The following USF1 variants were observed in gnomAD, a reference collection of about 807,000 sequenced individuals.
USF1 encodes the protein upstream stimulatory factor 1.
Under a neutral mutation model 46.3 loss-of-function variants are expected in USF1, and 22 were observed. The observed-to-expected ratio is 0.47, with a 90% CI of 0.34 to 0.68. The LOEUF (loss-of-function observed/expected upper bound fraction) is 0.68, where lower values mean the gene tolerates loss of function less well. Ranked by LOEUF, USF1 falls within the 30% of genes least tolerant of loss-of-function variation. The pLI, the probability that USF1 is intolerant of heterozygous loss-of-function variation, is 0.01. For missense variants in USF1, 287 were observed against 399.3 expected (o/e 0.72, Z 2.40); for synonymous variants, 150 against 147.0 (o/e 1.02, Z -0.15).
chr1:161,041,517 G>A, intron 6 of USF1, 106 bp from the exon 7 acceptor site: 7 of 1,479,168 alleles, frequency 4.7e-6, no homozygotes, highest in Non-Finnish European at 6.5e-6. Context: ...GCTAATAGAA[G>A]AGCAGCCCCA....
Position 161,042,873 on chromosome 1 carries a change from T to C in USF1, c.18A>G (p.Lys6=), listed in dbSNP as rs889870264. Reference sequence around the variant, plus strand: ...CTGTCCCCTCTTCCGTTTCAGCTGTTTTCTGCTGCCTGTTTGTGGTGAAAG... The same window carrying C: ...CTGTCCCCTCTTCCGTTTCAGCTGTCTTCTGCTGCCTGTTTGTGGTGAAAG... The part of the protein sequence containing the change: MKGQQ[K]TAETEEGTVQ... The change falls in exon 3 of 11, where the codon AAA becomes AAG. Residue 6 remains lysine (K), a synonymous_variant. Transcript: ENST00000368021. 6.2e-7 allele frequency: 1 copy of C among 1,614,192 alleles called. No homozygotes were observed. Among genetic ancestry groups the C allele is most frequent in the Non-Finnish European group, 8.5e-7 (1 of 1,180,036 alleles).
Position 161,043,253 on chromosome 1 carries a change from C to G in USF1, c.8+15G>C. On this transcript the variant is annotated intron_variant, in intron 2 of 10. Coordinates refer to ENST00000368021, the MANE Select transcript of USF1 (RefSeq NM_007122.5). ...ACCCATCTTTCATCCCAGACCCTAC[C>G]TCTTCTTCACTCACCCCTTCATCTC... 1.2e-6 allele frequency: 2 copies of G among 1,614,168 alleles called. No individual in the cohort carries two copies. The highest frequency in any genetic ancestry group is 1.1e-5 in the South Asian group (1 of 91,080).
In USF1 at chr1:161,039,834, G is replaced by A. The variant is rs1650447274; in HGVS notation, c.*86C>T. On this transcript the variant is annotated 3_prime_UTR_variant, in exon 11 of 11. Transcript: ENST00000368021. The stretch of plus-strand genomic sequence containing the variant: ...TCCCCCTGTCCCATGCCAGAAGTGG[G>A]GCAGTGAAGGAAAGGGGCACGGGAT... The A allele has an allele frequency of 1.4e-6, 2 of 1,380,154 alleles. No homozygotes were observed. Among genetic ancestry groups the A allele is most frequent in the South Asian group, 2.4e-5 (2 of 83,412 alleles). 85.5% of individuals were successfully genotyped at this position (1,380,154 alleles called of 1,614,324 possible).
chr1:161,041,034 G>A (rs1187352754), intron 7 of USF1, among the ~76,000 whole-genome samples, 162 bp from the exon 8 acceptor site: 1 of 152,096 alleles, frequency 6.6e-6, no homozygotes. Flanking sequence ...GGCCGAGGCA[G>A]GCGGATCACT....
chr1:161,041,946 G>GGA lies in USF1; in HGVS notation c.277-102_277-101dup, dbSNP rs144100508. 2,706 of 1,215,780 alleles carry GGA rather than the reference G, an allele frequency of 2.2e-3. 1 individual carries two copies. The highest frequency in any genetic ancestry group is 5.1e-3 in the Middle Eastern group (24 of 4,736). The allele number at this position is 1,215,780 out of a possible 1,614,324, so 75.3% of individuals were successfully genotyped here. On this transcript the variant is annotated intron_variant, in intron 5 of 10. Transcript: ENST00000368021. Reference sequence around the variant, plus strand: ...TATCCGTTGGGGTGGTAGGTAGGGTGGAGAGAGAGAGAGAGAGAGAGAGAA... The same window carrying GGA: ...TATCCGTTGGGGTGGTAGGTAGGGTGGAGAGAGAGAGAGAGAGAGAGAGAGAA...
At chr1:161,043,207 C>A in intron 2 of USF1, 61 bp downstream of exon 2, 1 of 1,613,900 alleles carries the variant, frequency 6.2e-7, no homozygotes, top group South Asian at 1.1e-5. Flanking sequence ...TGCTCTTGGT[C>A]ATTTTGCATT....
Position 161,040,333 on chromosome 1 carries a change from G to A in USF1, c.715-3C>T, listed in dbSNP as rs777278549. ...TTGGATAGAATCCCACCTTTACTCT[G>A]CAAGATAAGGTCAACAAAATGAGAA... On this transcript the variant is annotated splice_region_variant and splice_polypyrimidine_tract_variant and intron_variant, in intron 9 of 10. Coordinates refer to ENST00000368021, the MANE Select transcript of USF1 (RefSeq NM_007122.5). The surrounding 1 kb of genome is among the most constrained non-coding windows in gnomAD (Gnocchi z 4.0). The A allele has an allele frequency of 1.2e-6, 2 of 1,613,660 alleles. No homozygotes were observed. Among genetic ancestry groups the A allele is most frequent in the Non-Finnish European group, 1.7e-6 (2 of 1,179,852 alleles).
At chr1:161,045,604 A>C (rs1196834294) in intron 1 of USF1, among the ~76,000 whole-genome samples, 1 of 152,172 alleles carries the variant, frequency 6.6e-6, no homozygotes, top group Non-Finnish European at 1.5e-5. Flanking sequence ...TAGGGAGCTC[A>C]AGCGCCCGGT....
Position 161,040,764 on chromosome 1 carries a change from C to T in USF1, c.619+50G>A, listed in dbSNP as rs775293681. On this transcript the variant is annotated intron_variant, in intron 8 of 10. Transcript: ENST00000368021. This position sits in a 1 kb window ranked among gnomAD's most constrained non-coding sequence, Gnocchi z 4.0. ...TAATCCCTCCTCCCCTCAGACATCA[C>T]TGCTGAGATCACACCAGACAGCTTC... The T allele has an allele frequency of 9.3e-6, 15 of 1,613,748 alleles. No homozygotes were observed. In the Admixed American group the frequency reaches 2.2e-4, roughly 23 times the overall value.
rs1374403785 is a variant in USF1, at chr1:161,040,621, G to A, written c.669C>T (p.Ser223=). 4 of 1,612,374 alleles carry A rather than the reference G, an allele frequency of 2.5e-6. No individual in the cohort carries two copies. In the South Asian group the frequency reaches 4.4e-5, roughly 18 times the overall value. The change falls in exon 9 of 11, where the codon TCC becomes TCT. Residue 223 remains serine (S), a synonymous_variant. Coordinates refer to ENST00000368021, the MANE Select transcript of USF1 (RefSeq NM_007122.5). The surrounding 1 kb of genome is among the most constrained non-coding windows in gnomAD (Gnocchi z 4.0). ...CCATAGAGCAGTCTGGGATTATCTT[G>A]GAGAGCTGCACGATCCAGTTGTTGA... ...DKINNWIVQL[S]KIIPDCSMES... is the part of the protein sequence containing the mutation.
intron 7 of USF1, 123 bp downstream of exon 7, chr1:161,041,201 G>C (rs994341153): frequency 2.5e-5 from 21 of 825,866 alleles, no homozygotes; most frequent in Non-Finnish European, 3.8e-5. Flanking sequence ...AGCAGAGGTT[G>C]CAGTGAGCTG....
rs1650653406 is a variant in USF1 at position 161,043,346 on chromosome 1, C to T, written c.-71G>A. 1.2e-6 allele frequency: 2 copies of T among 1,611,358 alleles called. No individual in the cohort carries two copies. Among genetic ancestry groups the T allele is most frequent in the Non-Finnish European group, 8.5e-7 (1 of 1,177,882 alleles). On this transcript the variant is annotated 5_prime_UTR_variant, in exon 2 of 11. Transcript: ENST00000368021. ...GTCTTTGTATCTCCTGATTCACAGG[C>T]CTGAGTGCTAAGTCCTGGTAGAAAT... is the stretch of plus-strand genomic sequence containing the variant.
Position 161,042,148 on chromosome 1 carries a change from T to C in USF1, c.244A>G (p.Ser82Gly), listed in dbSNP as rs754544280. Residue 82 changes from serine to glycine, a missense_variant, in exon 5 of 11, where the codon AGT (serine) becomes GGT (glycine). Coordinates refer to ENST00000368021, the MANE Select transcript of USF1 (RefSeq NM_007122.5). ...DGQTEGTGAI[S>G]GYPATQSMTQ... ...ATGGATTGAGTGGCAGGGTAGCCAC[T>C]GATGGCGCCAGTTCCCTCAGTTTGG... 3.7e-6 allele frequency: 6 copies of C among 1,613,944 alleles called. No individual in the cohort carries two copies. Among genetic ancestry groups the C allele is most frequent in the Non-Finnish European group, 3.4e-6 (4 of 1,179,902 alleles).
In USF1 at chr1:161,041,637, A is replaced by G. The variant is rs750264330; in HGVS notation, c.472+14T>C. ...TCTAGCCCTTTCAGCCAGCATCCTC[A>G]TGCAATATCTCACCAGTGCCAGGAG... On this transcript the variant is annotated intron_variant, in intron 6 of 10. Transcript: ENST00000368021. The G allele has an allele frequency of 1.2e-5, 19 of 1,598,370 alleles. No homozygotes were observed. Among genetic ancestry groups the G allele is most frequent in the Middle Eastern group, 3.3e-4 (2 of 5,976 alleles).
rs775088132 is a variant in USF1 at position 161,042,891 on chromosome 1, G to A, written c.9-9C>T. The A allele has an allele frequency of 3.7e-6, 6 of 1,614,000 alleles. No homozygotes were observed. Among genetic ancestry groups the A allele is most frequent in the Non-Finnish European group, 4.2e-6 (5 of 1,180,036 alleles). ...CAGCTGTTTTCTGCTGCCTGTTTGT[G>A]GTGAAAGGACAAAAGGAAGAGTATG... On this transcript the variant is annotated splice_polypyrimidine_tract_variant and intron_variant, in intron 2 of 10. Coordinates refer to ENST00000368021, the MANE Select transcript of USF1 (RefSeq NM_007122.5).
chr1:161,040,232 C>T lies in USF1; in HGVS notation c.813G>A (p.Leu271=). 1 of 1,614,156 alleles carries T rather than the reference C, an allele frequency of 6.2e-7. No individual in the cohort carries two copies. Among genetic ancestry groups the T allele is most frequent in the East Asian group, 2.2e-5 (1 of 44,884 alleles). Residue 271 remains leucine, a synonymous_variant, in exon 10 of 11, where the codon CTG becomes CTA. Transcript: ENST00000368021. This position sits in a 1 kb window ranked among gnomAD's most constrained non-coding sequence, Gnocchi z 4.0. ...LSEELQGLDQ[L]QLDNDVLRQQ... The stretch of plus-strand genomic sequence containing the variant: ...GTCGAAGCACGTCATTGTCCAGCTG[C>T]AGTTGGTCAAGTCCCTGCAGTTCTT...
At chr1:161,044,518 C>T (rs1320864645) in intron 1 of USF1, among the ~76,000 whole-genome samples, 1 of 152,202 alleles carries the variant, frequency 6.6e-6, no homozygotes, top group East Asian at 1.9e-4. Context: ...ACTGACAGGA[C>T]TCTTGTTTTG....
rs1650635295 is a variant in USF1, at chr1:161,042,943, G to T, written c.9-61C>A. On this transcript the variant is annotated intron_variant, in intron 2 of 10. Coordinates refer to ENST00000368021, the MANE Select transcript of USF1 (RefSeq NM_007122.5). Reference sequence around the variant, plus strand: ...GAAGAAGTCAATGAGAAGCTCACTGGCCCAGTAACATATGGCTGCAAACTC... The same window carrying T: ...GAAGAAGTCAATGAGAAGCTCACTGTCCCAGTAACATATGGCTGCAAACTC... 138 of 1,605,244 alleles carry T rather than the reference G, an allele frequency of 8.6e-5. No homozygotes were observed. In the South Asian group the frequency reaches 1.4e-3, roughly 16 times the overall value.
At chr1:161,042,915 T>G (rs1287229816) in intron 2 of USF1, 33 bp from the exon 3 acceptor site, 1 of 1,614,156 alleles carries the variant, frequency 6.2e-7, no homozygotes, top group African/African-American at 1.3e-5. Flanking sequence ...AGGAAGAGTA[T>G]GAGAAGAAGT....
Sources: gnomAD v4.1 joint callset for allele counts (sites outside exome capture counted in the v4.1 genomes callset) on GRCh38, gnomAD v4.1.1 for gene constraint, Gnocchi (gnomAD v3.1) non-coding constraint, MANE v1.5 for transcripts, NCBI Gene and HGNC (gene_info 2026-07-23, HGNC 2026-07-21) for gene names.